The following CHD7 variants were observed in gnomAD, a reference collection of about 807,000 sequenced individuals.
CHD7 encodes ATP-dependent chromatin remodeler CHD7.
A neutral mutation model predicts 307.3 loss-of-function variants in CHD7; 24 were observed. The ratio of observed to expected loss-of-function variants is 0.08; its 90% CI spans 0.06 to 0.11. The LOEUF is 0.11. Ranked by LOEUF, CHD7 falls within the 10% of genes least tolerant of loss-of-function variation. The pLI is 1.00. For synonymous variants in CHD7, 1,363 were observed against 1,349.9 expected (o/e 1.01, Z -0.21); for missense variants, 3,106 against 3,727.1 (o/e 0.83, Z 4.34).
At chr8:60,736,205 G>A (rs1808699213) in intron 1 of CHD7, among the ~76,000 whole-genome samples, 1 of 152,128 alleles carries the variant, frequency 6.6e-6, no homozygotes, top group Non-Finnish European at 1.5e-5. Flanking sequence ...CTTTATCCAG[G>A]TTCTTGTCAG....
chr8:60,804,334 C>G (rs1466593387), intron 6 of CHD7, among the ~76,000 whole-genome samples: 2 of 151,674 alleles, frequency 1.3e-5, no homozygotes, highest in Admixed American at 6.6e-5. Flanking sequence ...GAGGATAATT[C>G]AAATCCTTTT....
rs984191624 is a variant in CHD7, at chr8:60,800,605, A to G, written c.2376+80A>G. ...TTCATTGCTGCAATCTGAGAAGTGC[A>G]GTGGAAGCATTGGACTTTCAGCAGG... On this transcript the variant is annotated intron_variant, in intron 5 of 37. Transcript: ENST00000423902. 1.7e-5 allele frequency: 23 copies of G among 1,384,536 alleles called. No individual in the cohort carries two copies. The African/African-American group carries it at 3.2e-4, about 19-fold the overall frequency. The allele number at this position is 1,384,536 out of a possible 1,614,324, so 85.8% of individuals were successfully genotyped here.
chr8:60,708,293 A>G (rs1807112671), intron 1 of CHD7, among the ~76,000 whole-genome samples: 1 of 152,168 alleles, frequency 6.6e-6, no homozygotes, highest in Non-Finnish European at 1.5e-5. Flanking sequence ...CAGGAATACA[A>G]TCGCCATTTC....
chr8:60,682,968 C>T (rs1186453829), intron 1 of CHD7, among the ~76,000 whole-genome samples: 6 of 152,092 alleles, frequency 3.9e-5, no homozygotes, highest in African/African-American at 1.4e-4. Flanking sequence ...GCTAAAATCA[C>T]CAAAAAGGAT....
At chr8:60,857,986 T>G (rs1228558773) in intron 34 of CHD7, among the ~76,000 whole-genome samples, 1 of 152,240 alleles carries the variant, frequency 6.6e-6, no homozygotes, top group East Asian at 1.9e-4. Context: ...CCGGGCATGG[T>G]GGCTCACGCC....
intron 1 of CHD7, among the ~76,000 whole-genome samples, chr8:60,728,059 C>G (rs1427332446): frequency 6.6e-6 from 1 of 152,210 alleles, no homozygotes; most frequent in East Asian, 1.9e-4. Flanking sequence ...CTTCCAGGCT[C>G]CAGTCTTGTA....
chr8:60,827,001 C>T (rs73684602), intron 13 of CHD7, among the ~76,000 whole-genome samples: 155 of 152,250 alleles, frequency 1.0e-3, no homozygotes, highest in African/African-American at 3.3e-3. Context: ...GCATAGTAAT[C>T]GTGTATTTTT....
At chr8:60,788,944 T>C (rs1318119042) in intron 3 of CHD7, among the ~76,000 whole-genome samples, 1 of 152,234 alleles carries the variant, frequency 6.6e-6, no homozygotes, top group Non-Finnish European at 1.5e-5. Context: ...TTGATTTTAC[T>C]CTATGATGTA....
Position 60,838,265 on chromosome 8 carries a change from G to T in CHD7, c.4533+10G>T. 1.9e-6 allele frequency: 3 copies of T among 1,594,720 alleles called. No homozygotes were observed. Among genetic ancestry groups the T allele is most frequent in the Non-Finnish European group, 2.6e-6 (3 of 1,170,220 alleles). On this transcript the variant is annotated intron_variant, in intron 19 of 37. Transcript: ENST00000423902. ...TTCCACATTTGCTAAGGTGTGAATCGATCTAAAGAGGCCAGGTTTTCCATA... is the reference window on the plus strand; with the variant it reads ...TTCCACATTTGCTAAGGTGTGAATCTATCTAAAGAGGCCAGGTTTTCCATA...
In CHD7 at chr8:60,853,030, T is replaced by G. The variant is rs368145189; in HGVS notation, c.6305T>G (p.Val2102Gly). ...ECGRHDRDLL[V>G]GAAKHGVSRT... ...GGACGGCATGACCGAGACTTGCTGG[T>G]TGGTGCTGCTAAACACGGGGTCAGT... The change falls in exon 31 of 38, where the codon GTT becomes GGT. Residue 2102 changes from valine to glycine, a missense_variant. Val to Gly is a moderately radical substitution (Grantham distance 109). This residue lies in a region of CHD7 where 1,030 missense variants were observed against 1,165.4 expected (regional missense o/e 0.88). Coordinates refer to ENST00000423902, the MANE Select transcript of CHD7 (RefSeq NM_017780.4). 1 of 1,613,802 alleles carries G rather than the reference T, an allele frequency of 6.2e-7. No individual in the cohort carries two copies. The highest frequency in any genetic ancestry group is 8.5e-7 in the Non-Finnish European group (1 of 1,179,836).
chr8:60,776,862 A>G (rs897029597), intron 2 of CHD7, among the ~76,000 whole-genome samples: 5 of 152,192 alleles, frequency 3.3e-5, no homozygotes, highest in African/African-American at 7.2e-5. Flanking sequence ...GGAAAAAATA[A>G]AAGTTAAGAA....
chr8:60,727,100 A>G (rs1808200925), intron 1 of CHD7, among the ~76,000 whole-genome samples: 1 of 152,100 alleles, frequency 6.6e-6, no homozygotes, highest in Admixed American at 6.6e-5. Flanking sequence ...TGAAATAAAT[A>G]CTATTATTAT....
Position 60,696,642 on chromosome 8 carries a change from T to C in CHD7, c.-175+17560T>C, listed in dbSNP as rs145368718. 3.0e-3 allele frequency among the ~76,000 whole-genome samples: 463 copies of C among 152,170 alleles called. 3 individuals are homozygous for C. Among genetic ancestry groups the C allele is most frequent in the African/African-American group, 0.01 (428 of 41,526 alleles). Reference sequence around the variant, plus strand: ...GTTTTTTTTTTTTTAATTCAGTCTTTCTACTTTTTAAATATTCTAAATTTT... The same window carrying C: ...GTTTTTTTTTTTTTAATTCAGTCTTCCTACTTTTTAAATATTCTAAATTTT... On this transcript the variant is annotated intron_variant, in intron 1 of 37. Transcript: ENST00000423902.
intron 1 of CHD7, among the ~76,000 whole-genome samples, chr8:60,683,626 C>T (rs1211417674): frequency 6.6e-6 from 1 of 152,154 alleles, no homozygotes; most frequent in Non-Finnish European, 1.5e-5. Context: ...TCTCATTTTA[C>T]AGATTAAGAA....
intron 1 of CHD7, among the ~76,000 whole-genome samples, chr8:60,731,792 T>G (rs1808468834): frequency 6.6e-6 from 1 of 152,272 alleles, no homozygotes; most frequent in African/African-American, 2.4e-5. Flanking sequence ...TCTAATACTC[T>G]TCCAAAGATC....
intron 1 of CHD7, among the ~76,000 whole-genome samples, chr8:60,729,731 T>G (rs1318298950): frequency 6.6e-6 from 1 of 152,230 alleles, no homozygotes; most frequent in Non-Finnish European, 1.5e-5. Context: ...ATTCTCATTA[T>G]GCAAAACAAA....
intron 2 of CHD7, among the ~76,000 whole-genome samples, chr8:60,756,916 A>G (rs1809925307): frequency 6.6e-6 from 1 of 152,228 alleles, no homozygotes; most frequent in African/African-American, 2.4e-5. Flanking sequence ...ATTTTATGTT[A>G]CATGAATCTC....
intron 1 of CHD7, among the ~76,000 whole-genome samples, chr8:60,717,093 A>G (rs78617849): frequency 0.021 from 2,876 of 139,868 alleles, 103 homozygotes; most frequent in African/African-American, 0.072. Flanking sequence ...CCCTCAGGTC[A>G]TTGCATCTGG....
chr8:60,764,604 G>C (rs931503119), intron 2 of CHD7, among the ~76,000 whole-genome samples: 1 of 152,176 alleles, frequency 6.6e-6, no homozygotes, highest in African/African-American at 2.4e-5. Flanking sequence ...GAGGTAAGAA[G>C]CTCATCCATC....
Sources: gnomAD v4.1 joint callset for allele counts (sites outside exome capture counted in the v4.1 genomes callset) on GRCh38, gnomAD v4.1.1 for gene constraint, gnomAD v4.1.1 regional missense constraint, MANE v1.5 for transcripts, NCBI Gene and HGNC (gene_info 2026-07-23, HGNC 2026-07-21) for gene names.